Variants in TRPM3 observed in about 807,000 individuals in gnomAD.
TRPM3 encodes the protein transient receptor potential cation channel subfamily M member 3.
TRPM3 carries 77 observed loss-of-function variants against 181.2 expected under a neutral mutation model. That is an observed-to-expected ratio of 0.42 (90% CI 0.35 to 0.51). The LOEUF (loss-of-function observed/expected upper bound fraction) is 0.51. Ranked by LOEUF, TRPM3 falls within the 20% of genes least tolerant of loss-of-function variation. The probability of loss-of-function intolerance (pLI) is 0.01; values close to 1 mark genes in which losing one functional copy is unlikely to be tolerated. For synonymous variants in TRPM3, 745 were observed against 796.4 expected, an observed-to-expected ratio of 0.94 and a Z score of 1.09; for missense variants, 1,759 against 2,196.7, an observed-to-expected ratio of 0.80 and a Z score of 3.98.
intron 1 of TRPM3, among the ~76,000 whole-genome samples, chr9:70,974,049 T>C (rs1004963523): frequency 4.3e-4 from 66 of 152,312 alleles, no homozygotes; most frequent in African/African-American, 1.6e-3. Context: ...TGTTATTAAC[T>C]ACCTACTAAC....
chr9:71,409,674 C>A (rs1300272769), intron 1 of TRPM3, among the ~76,000 whole-genome samples: 2 of 152,074 alleles, frequency 1.3e-5, no homozygotes, highest in African/African-American at 4.8e-5. Flanking sequence ...CTTTAACAAC[C>A]CACTGTCAAC....
chr9:70,676,096 A>G (rs2134157813), intron 9 of TRPM3, among the ~76,000 whole-genome samples: 1 of 152,306 alleles, frequency 6.6e-6, no homozygotes, highest in Admixed American at 6.5e-5. Context: ...GGAGAAACAT[A>G]TTGTTTTGGC....
chr9:71,044,944 T>TA (rs1468127715), intron 1 of TRPM3, among the ~76,000 whole-genome samples: 2 of 152,162 alleles, frequency 1.3e-5, no homozygotes, highest in Non-Finnish European at 2.9e-5. Context: ...GTGCTGGGAT[T>TA]ACAACCATGA....
chr9:70,984,410 G>A (rs1452937698), intron 1 of TRPM3, among the ~76,000 whole-genome samples: 1 of 152,204 alleles, frequency 6.6e-6, no homozygotes, highest in Non-Finnish European at 1.5e-5. Flanking sequence ...GGGAGAGGCA[G>A]GAGGTTCTGC....
At chr9:71,265,275 A>G (rs539460904) in intron 1 of TRPM3, among the ~76,000 whole-genome samples, 4 of 152,358 alleles carry the variant, frequency 2.6e-5, no homozygotes, top group African/African-American at 9.6e-5. Context: ...TAGATGTCCC[A>G]TAGTAGCCAA....
At chr9:71,385,692 G>C (rs2092907094) in intron 1 of TRPM3, among the ~76,000 whole-genome samples, 1 of 151,988 alleles carries the variant, frequency 6.6e-6, no homozygotes, top group South Asian at 2.1e-4. Flanking sequence ...AGTGAGTCTT[G>C]GAATATTTTA....
intron 1 of TRPM3, among the ~76,000 whole-genome samples, chr9:71,247,353 CAAAAAA>C (rs34584730): frequency 1.8e-4 from 15 of 82,306 alleles, no homozygotes; most frequent in South Asian, 4.3e-4. Context: ...GACTCTGTCT[CAAAAAA>C]AAAAAAAAAA....
At chr9:71,205,306 A>T (rs1197561364) in intron 1 of TRPM3, among the ~76,000 whole-genome samples, 1 of 152,162 alleles carries the variant, frequency 6.6e-6, no homozygotes, top group African/African-American at 2.4e-5. Flanking sequence ...AAGAACGATT[A>T]TTTCTATGAA....
At chr9:71,070,451 C>A (rs781034511) in intron 1 of TRPM3, among the ~76,000 whole-genome samples, 7 of 152,190 alleles carry the variant, frequency 4.6e-5, no homozygotes, top group African/African-American at 9.7e-5. Context: ...AAATCCACTG[C>A]AATTTCTGTA....
chr9:71,100,358 T>G (rs550528477), intron 1 of TRPM3, among the ~76,000 whole-genome samples: 75 of 152,102 alleles, frequency 4.9e-4, no homozygotes, highest in African/African-American at 1.8e-3. Flanking sequence ...AAATTAGAAG[T>G]AAAGGATGCT....
Position 70,864,434 on chromosome 9 carries a change from A to G in TRPM3, c.255T>C (p.His85=), listed in dbSNP as rs1034831712. ...AACATTATAGACAGCAAGATTACCT[A>G]TGGGGGTCTTTGGTGCTGGGTATGA... ...VHIIPSTKDP[H]RCCCGRLIGQ... Residue 85 remains histidine (H), a splice_region_variant and synonymous_variant, in exon 2 of 26, where the codon CAT becomes CAC. Transcript: ENST00000677713. The G allele has an allele frequency of 2.0e-6, 3 of 1,469,414 alleles. No homozygotes were observed. Among genetic ancestry groups the G allele is most frequent in the Non-Finnish European group, 2.7e-6 (3 of 1,115,354 alleles). The allele number at this position is 1,469,414 out of a possible 1,614,324, so 91.0% of individuals were successfully genotyped here.
At chr9:71,197,346 T>C (rs1433036889) in intron 1 of TRPM3, among the ~76,000 whole-genome samples, 2 of 152,220 alleles carry the variant, frequency 1.3e-5, no homozygotes, top group African/African-American at 4.8e-5. Flanking sequence ...TGCATGTGTC[T>C]TTATAGCAGC....
chr9:71,120,928 T>C (rs902622935), intron 1 of TRPM3, among the ~76,000 whole-genome samples: 2 of 151,172 alleles, frequency 1.3e-5, no homozygotes, highest in Non-Finnish European at 2.9e-5. Context: ...GGTAGCCCAT[T>C]CTCTGAGACC....
At chr9:70,922,828 C>G (rs2133302843) in intron 1 of TRPM3, among the ~76,000 whole-genome samples, 1 of 152,210 alleles carries the variant, frequency 6.6e-6, no homozygotes. Flanking sequence ...GAGCTTGGGT[C>G]TCCAAAGAGG....
Position 71,268,532 on chromosome 9 carries a change from C to A in TRPM3, c.183+178121G>T, listed in dbSNP as rs137976087. Among the ~76,000 whole-genome samples, 231 of 151,994 alleles carry A rather than the reference C, an allele frequency of 1.5e-3. 1 individual carries two copies. The highest frequency in any genetic ancestry group is 5.4e-3 in the African/African-American group (226 of 41,488). On this transcript the variant is annotated intron_variant, in intron 1 of 24. Transcript: ENST00000357533. ...TAGCATGGGTTTGTGGCAATAGGAG[C>A]TAGATCTGAGGGCTGGGCACGGTGG...
At chr9:70,790,166 AGAT>A (rs1245983962) in intron 6 of TRPM3, among the ~76,000 whole-genome samples, 1 of 152,210 alleles carries the variant, frequency 6.6e-6, no homozygotes, top group African/African-American at 2.4e-5. Flanking sequence ...GGTCACCCAC[AGAT>A]GATCTAAAGT....
At chr9:70,831,288 AT>A (rs1419328495) in intron 5 of TRPM3, among the ~76,000 whole-genome samples, 2 of 152,220 alleles carry the variant, frequency 1.3e-5, no homozygotes, top group African/African-American at 4.8e-5. Flanking sequence ...AATTAAAAAA[AT>A]AATGTATTTT....
At chr9:71,070,259 C>T (rs865988672) in intron 1 of TRPM3, among the ~76,000 whole-genome samples, 2 of 152,164 alleles carry the variant, frequency 1.3e-5, no homozygotes, top group African/African-American at 4.8e-5. Context: ...CTTTTTCATG[C>T]GGCAGGGTTT....
chr9:70,769,111 C>G (rs1368235897), intron 7 of TRPM3, among the ~76,000 whole-genome samples: 1 of 152,158 alleles, frequency 6.6e-6, no homozygotes, highest in Non-Finnish European at 1.5e-5. Context: ...AGACATGATT[C>G]TATTGCATCC....
Sources: allele counts gnomAD v4.1 joint callset (sites outside exome capture counted in the v4.1 genomes callset), GRCh38; gene constraint gnomAD v4.1.1; transcripts MANE v1.5; gene names NCBI Gene and HGNC (gene_info 2026-07-23, HGNC 2026-07-21).